The following RTN4IP1 variants were observed in gnomAD, a reference collection of about 807,000 sequenced individuals.
RTN4IP1 encodes reticulon 4 interacting protein 1.
In RTN4IP1, 32 loss-of-function variants were observed where a neutral mutation model predicts 46.6. The ratio of observed to expected loss-of-function variants is 0.69; its 90% CI spans 0.52 to 0.92. RTN4IP1 has a LOEUF of 0.92. Among genes scored for constraint, RTN4IP1 ranks in the 40% least tolerant of loss-of-function variants. The probability of loss-of-function intolerance (pLI) is 0.00; values close to 1 mark genes in which losing one functional copy is unlikely to be tolerated. For synonymous variants in RTN4IP1, 167 were observed against 161.8 expected, an observed-to-expected ratio of 1.03 and a Z score of -0.24; for missense variants, 424 against 485.8, an observed-to-expected ratio of 0.87 and a Z score of 1.20.
rs190530997 is a variant in RTN4IP1 at position 106,573,331 on chromosome 6, A to G, written c.1084-1228T>C. 5.3e-5 allele frequency among the ~76,000 whole-genome samples: 8 copies of G among 152,342 alleles called. No homozygotes were observed. In the East Asian group the frequency reaches 1.5e-3, roughly 29 times the overall value. On this transcript the variant is annotated intron_variant, in intron 8 of 8. Transcript: ENST00000369063. Reference sequence around the variant, plus strand: ...AGGCATAAGCCAACTCATACATTTTACGCTTTCCTTTTACAAGAGGAAGAA... The same window carrying G: ...AGGCATAAGCCAACTCATACATTTTGCGCTTTCCTTTTACAAGAGGAAGAA...
intron 1 of RTN4IP1, among the ~76,000 whole-genome samples, chr6:106,628,222 C>G (rs566246270): frequency 1.3e-5 from 2 of 152,072 alleles, no homozygotes; most frequent in African/African-American, 4.8e-5. Flanking sequence ...AATCCCAGCA[C>G]TTAGGGGGCG....
upstream of RTN4IP1, among the ~76,000 whole-genome samples, chr6:106,629,969 AG>A (rs36028776): frequency 0.033 from 4,990 of 152,084 alleles, 271 homozygotes; most frequent in East Asian, 0.19. Context: ...GCTCTGGTGT[AG>A]GTCGGGATCC....
At chr6:106,574,753 G>A (rs975093145) in intron 8 of RTN4IP1, among the ~76,000 whole-genome samples, 10 of 152,156 alleles carry the variant, frequency 6.6e-5, no homozygotes, top group Admixed American at 1.3e-4. Context: ...TCCACAGACT[G>A]ACAAAGTGCC....
At chr6:106,591,477 G>A (rs1438567570) in intron 6 of RTN4IP1, among the ~76,000 whole-genome samples, 1 of 152,058 alleles carries the variant, frequency 6.6e-6, no homozygotes, top group Non-Finnish European at 1.5e-5. Context: ...GTGGTCAAGA[G>A]TAGTTGACTT....
At chr6:106,582,774 G>A (rs144510175) in intron 8 of RTN4IP1, among the ~76,000 whole-genome samples, 75 of 152,196 alleles carry the variant, frequency 4.9e-4, no homozygotes, top group Non-Finnish European at 9.3e-4. Context: ...TCCAAAAAAC[G>A]ATGACCAGAT....
chr6:106,592,322 A>C, intron 5 of RTN4IP1, 22 bp from the exon 6 acceptor site: 2 of 1,603,630 alleles, frequency 1.2e-6, no homozygotes, highest in Non-Finnish European at 1.7e-6. Flanking sequence ...CAAAAAGAAA[A>C]AAAGAATAAA....
At chr6:106,590,607 T>C (rs1489281094) in intron 6 of RTN4IP1, among the ~76,000 whole-genome samples, 2 of 139,048 alleles carry the variant, frequency 1.4e-5, no homozygotes, top group Non-Finnish European at 3.0e-5. Context: ...CCCAGCTACT[T>C]GGGGGGCTGA....
At chr6:106,595,814 A>T (rs1483212635) in intron 5 of RTN4IP1, among the ~76,000 whole-genome samples, 1 of 152,196 alleles carries the variant, frequency 6.6e-6, no homozygotes, top group Non-Finnish European at 1.5e-5. Flanking sequence ...CTTTCACAAA[A>T]TAACACTGCC....
At chr6:106,623,115 C>G (rs1161264203) in intron 1 of RTN4IP1, 146 bp from the exon 2 acceptor site, 1 of 740,446 alleles carries the variant, frequency 1.4e-6, no homozygotes, top group Non-Finnish European at 2.2e-6. Context: ...AGTGTATGTT[C>G]ACTGCAACAC....
chr6:106,578,689 G>T (rs948212740), intron 8 of RTN4IP1, among the ~76,000 whole-genome samples: 3 of 152,172 alleles, frequency 2.0e-5, no homozygotes, highest in Non-Finnish European at 2.9e-5. Context: ...CAGCTGCGGG[G>T]AAAGAACATT....
At position 106,614,883 on chromosome 6, in the gene RTN4IP1, C is replaced by T. The variant is rs201581351; in HGVS notation, c.620+4319G>A. 6.6e-5 allele frequency among the ~76,000 whole-genome samples: 10 copies of T among 152,142 alleles called. No homozygotes were observed. The East Asian group carries it at 1.7e-3, about 26-fold the overall frequency. ...CCTCACGAGATAGTTAACCTAGTCA[C>T]TTAGAAAGCTATTGTATAAAACACA... On this transcript the variant is annotated intron_variant, in intron 4 of 8. Coordinates refer to ENST00000369063, the MANE Select transcript of RTN4IP1 (RefSeq NM_032730.5).
At chr6:106,587,933 C>T in intron 6 of RTN4IP1, 71 bp from the exon 7 acceptor site, 1 of 1,352,544 alleles carries the variant, frequency 7.4e-7, no homozygotes, top group Non-Finnish European at 1.0e-6. Context: ...CCTTCCCTTC[C>T]AGTACCAGTT....
intron 8 of RTN4IP1, 187 bp from the exon 9 acceptor site, chr6:106,572,290 T>C: frequency 1.7e-6 from 1 of 589,802 alleles, no homozygotes; most frequent in Non-Finnish European, 3.0e-6. Flanking sequence ...CACTGCTGCT[T>C]CTCTCTTTAT....
chr6:106,572,369 C>T, intron 8 of RTN4IP1: 1 of 409,710 alleles, frequency 2.4e-6, no homozygotes. Flanking sequence ...CTACTTAGAA[C>T]CGTTCAACAG....
intron 7 of RTN4IP1, among the ~76,000 whole-genome samples, chr6:106,586,284 C>T (rs1775482107): frequency 6.6e-6 from 1 of 152,198 alleles, no homozygotes; most frequent in African/African-American, 2.4e-5. Flanking sequence ...GTTGGTCGGA[C>T]TGACACAGCG....
chr6:106,595,065 A>G (rs2353034), intron 5 of RTN4IP1, among the ~76,000 whole-genome samples: 119,230 of 152,124 alleles, frequency 0.78, 48,043 homozygotes, highest in Non-Finnish European at 0.89. Context: ...GCCTCCCAAA[A>G]TGCTGGGATT....
chr6:106,621,766 C>A (rs1179265594), intron 2 of RTN4IP1, among the ~76,000 whole-genome samples: 1 of 152,220 alleles, frequency 6.6e-6, no homozygotes, highest in Non-Finnish European at 1.5e-5. Context: ...TCTCTGGGGT[C>A]TGAGTCCTGG....
chr6:106,616,428 A>T (rs1776358339), intron 4 of RTN4IP1, among the ~76,000 whole-genome samples: 1 of 152,120 alleles, frequency 6.6e-6, no homozygotes, highest in African/African-American at 2.4e-5. Context: ...ATCCTATAAA[A>T]TCTTCCAAGG....
chr6:106,593,342 A>G (rs1775708365), intron 5 of RTN4IP1, among the ~76,000 whole-genome samples: 1 of 152,240 alleles, frequency 6.6e-6, no homozygotes, highest in Admixed American at 6.5e-5. Flanking sequence ...ATTCAGAATT[A>G]AGTATCCAGA....
Sources: gnomAD v4.1 joint callset for allele counts (sites outside exome capture counted in the v4.1 genomes callset) on GRCh38, gnomAD v4.1.1 for gene constraint, MANE v1.5 for transcripts, NCBI Gene and HGNC (gene_info 2026-07-23, HGNC 2026-07-21) for gene names.